The following ZNF462 variants were observed in gnomAD, a reference collection of about 807,000 sequenced individuals.
The protein encoded by ZNF462 is zinc finger protein 462, also known as zinc finger PBX1-interacting protein.
Under a neutral mutation model 201.9 loss-of-function variants are expected in ZNF462, and 10 were observed. The observed-to-expected ratio is 0.05, with a 90% CI of 0.03 to 0.08. The LOEUF is 0.08. Among genes scored for constraint, ZNF462 ranks in the 10% least tolerant of loss-of-function variants. The pLI, the probability that ZNF462 is intolerant of heterozygous loss-of-function variation, is 1.00. For synonymous variants in ZNF462, 1,227 were observed against 1,193.3 expected (o/e 1.03, Z -0.58); for missense variants, 2,523 against 3,168.3 (o/e 0.80, Z 4.89).
intron 1 of ZNF462, among the ~76,000 whole-genome samples, chr9:106,871,014 G>A (rs920407835): frequency 2.0e-5 from 3 of 152,162 alleles, no homozygotes; most frequent in African/African-American, 7.2e-5. Flanking sequence ...GCTGGGGGGT[G>A]GGAGCCGATG....
Position 107,010,801 on chromosome 9 carries a change from T to C in ZNF462, c.7314-22T>C. 6.2e-7 allele frequency: 1 copy of C among 1,600,684 alleles called. No individual in the cohort carries two copies. The highest frequency in any genetic ancestry group is 8.5e-7 in the Non-Finnish European group (1 of 1,172,742). On this transcript the variant is annotated intron_variant, in intron 12 of 12. Coordinates refer to ENST00000277225, the MANE Select transcript of ZNF462 (RefSeq NM_021224.6). The surrounding 1 kb of genome is among the most constrained non-coding windows in gnomAD (Gnocchi z 4.6). Reference sequence around the variant, plus strand: ...AATATATATACTATACTCATCTGTCTCTTCGATAAATGTTTTTCCAGGGCA... The same window carrying C: ...AATATATATACTATACTCATCTGTCCCTTCGATAAATGTTTTTCCAGGGCA...
At chr9:106,912,051 G>C (rs528246741) in intron 1 of ZNF462, among the ~76,000 whole-genome samples, 1 of 152,280 alleles carries the variant, frequency 6.6e-6, no homozygotes, top group Admixed American at 6.5e-5. Flanking sequence ...TTTTTTGACA[G>C]ACATTCGTAA....
At chr9:106,960,415 G>C (rs1430690306) in intron 7 of ZNF462, among the ~76,000 whole-genome samples, 1 of 152,184 alleles carries the variant, frequency 6.6e-6, no homozygotes, top group African/African-American at 2.4e-5. Flanking sequence ...AATACCATCT[G>C]AGGTTGCTCA....
chr9:106,959,199 T>A (rs1384508719), intron 7 of ZNF462, among the ~76,000 whole-genome samples: 2 of 152,014 alleles, frequency 1.3e-5, no homozygotes, highest in Non-Finnish European at 2.9e-5. Flanking sequence ...CCCTACAAAA[T>A]CACTGGACAA....
At position 107,009,323 on chromosome 9, in the gene ZNF462, C is replaced by T. The variant is rs1047960495; in HGVS notation, c.7190-222C>T. ...TGATAGAAGCATTGGGGAGGTGAGG[C>T]GAAATGAGGTCTTGGGGCCCAAGAA... On this transcript the variant is annotated intron_variant, in intron 11 of 12. Coordinates refer to ENST00000277225, the MANE Select transcript of ZNF462 (RefSeq NM_021224.6). This position sits in a 1 kb window ranked among gnomAD's most constrained non-coding sequence, Gnocchi z 6.1. 30 of 524,724 alleles carry T rather than the reference C, an allele frequency of 5.7e-5. No homozygotes were observed. Among genetic ancestry groups the T allele is most frequent in the Non-Finnish European group, 7.9e-5 (24 of 305,618 alleles). The allele number at this position is 524,724 out of a possible 1,614,324, so 32.5% of individuals were successfully genotyped here.
upstream of ZNF462, among the ~76,000 whole-genome samples, chr9:106,860,498 C>T (rs533619282): frequency 1.3e-5 from 2 of 152,192 alleles, no homozygotes; most frequent in East Asian, 3.9e-4. The surrounding 1 kb of genome is among the most constrained non-coding windows in gnomAD (Gnocchi z 7.1). Flanking sequence ...ACGTCCCTGC[C>T]CCCAGGGAAG....
intron 7 of ZNF462, among the ~76,000 whole-genome samples, chr9:106,943,336 A>T (rs1830968700): frequency 6.6e-6 from 1 of 152,132 alleles, no homozygotes; most frequent in African/African-American, 2.4e-5. Flanking sequence ...TATTTTTATC[A>T]AGACATTTCT....
intron 1 of ZNF462, among the ~76,000 whole-genome samples, chr9:106,874,350 T>G (rs1164568304): frequency 3.9e-5 from 6 of 152,206 alleles, no homozygotes; most frequent in Admixed American, 1.3e-4. Flanking sequence ...TCTTCAGTTT[T>G]CCTTTTAATT....
chr9:106,995,237 A>T lies in ZNF462; in HGVS notation c.7057-8057A>T, dbSNP rs1290438720. ...CTGGACTTTTGCTAAGTTAGGTATG[A>T]TGGAAATATGTTTTCTGATTGTGAC... On this transcript the variant is annotated intron_variant, in intron 10 of 12. Transcript: ENST00000277225. Among the ~76,000 whole-genome samples the T allele has an allele frequency of 4.5e-4, 69 of 152,146 alleles. 1 individual carries two copies. The highest frequency in any genetic ancestry group is 4.5e-3 in the Admixed American group (69 of 15,250).
rs1403872669 is a variant in ZNF462 at position 106,977,469 on chromosome 9, TAGAG to T, written c.6832+3202_6832+3205del. ...GTCTGTATAAATTGATATATTTAAG[TAGAG>T]AGAGAATCTACTTCGCTCATGGGAA... On this transcript the variant is annotated intron_variant, in intron 9 of 12. Transcript: ENST00000277225. This position sits in a 1 kb window ranked among gnomAD's most constrained non-coding sequence, Gnocchi z 4.6. Among the ~76,000 whole-genome samples, 1 of 151,660 alleles carries T rather than the reference TAGAG, an allele frequency of 6.6e-6. No individual in the cohort carries two copies. Among genetic ancestry groups the T allele is most frequent in the Non-Finnish European group, 1.5e-5 (1 of 68,040 alleles).
chr9:106,962,573 C>A lies in ZNF462; in HGVS notation c.6428-9432C>A, dbSNP rs117727432. Among the ~76,000 whole-genome samples, 3,644 of 152,024 alleles carry A rather than the reference C, an allele frequency of 0.024. 80 individuals are homozygous for A. The highest frequency in any genetic ancestry group is 0.039 in the Non-Finnish European group (2,683 of 67,936). ...ATGTAAGTATGATGGGAAACTAGAT[C>A]TCAAAAAAGAGAAAGCTTGCCCATT... On this transcript the variant is annotated intron_variant, in intron 7 of 12. Transcript: ENST00000277225. This position sits in a 1 kb window ranked among gnomAD's most constrained non-coding sequence, Gnocchi z 4.6.
chr9:106,903,282 C>A (rs1440176162), intron 1 of ZNF462, among the ~76,000 whole-genome samples: 1 of 152,026 alleles, frequency 6.6e-6, no homozygotes, highest in Non-Finnish European at 1.5e-5. Flanking sequence ...CCACTGTGGT[C>A]TGAGAGAGTG....
At chr9:106,914,762 G>A in intron 1 of ZNF462, among the ~76,000 whole-genome samples, 1 of 152,184 alleles carries the variant, frequency 6.6e-6, no homozygotes, top group Non-Finnish European at 1.5e-5. Context: ...AAATAAAGTA[G>A]TGGATTGTGG....
In ZNF462 at chr9:106,925,398, A is replaced by G. The variant is rs756323605; in HGVS notation, c.1486A>G (p.Thr496Ala). 9 of 1,614,118 alleles carry G rather than the reference A, an allele frequency of 5.6e-6. No homozygotes were observed. The highest frequency in any genetic ancestry group is 5.0e-5 in the Admixed American group (3 of 60,012). ...TCACAAACAGTGTCACACGGGTACA[A>G]CGTCAGATTGGGATGCTGTGAATTC... ...GAHKQCHTGT[T>A]SDWDAVNSQS... is the part of the protein sequence containing the mutation. The change falls in exon 3 of 13, where the codon ACG (threonine) becomes GCG (alanine). Residue 496 changes from threonine (T) to alanine (A), a missense_variant. Thr to Ala is a moderately conservative substitution (Grantham distance 58, BLOSUM62 0). Around this residue, in one of 15 missense-constraint regions of ZNF462, gnomAD observed 383 missense variants for 453.4 expected, o/e 0.84. Transcript: ENST00000277225. This position sits in a 1 kb window ranked among gnomAD's most constrained non-coding sequence, Gnocchi z 7.9.
At chr9:106,989,305 TC>T (rs1564155920) in intron 10 of ZNF462, among the ~76,000 whole-genome samples, 2 of 152,170 alleles carry the variant, frequency 1.3e-5, no homozygotes, top group Admixed American at 1.3e-4. Context: ...GCATGCGATT[TC>T]TGTTTCAAAT....
In ZNF462 at chr9:106,982,552, T is replaced by TA. The variant is rs1827521022; in HGVS notation, c.6833-1627dup. 3.3e-5 allele frequency among the ~76,000 whole-genome samples: 5 copies of TA among 152,278 alleles called. No homozygotes were observed. In the South Asian group the frequency reaches 1.0e-3, roughly 32 times the overall value. ...TAGAGGACTTAAACAGTTGCTATTCTAAAAAAATGTGTGGATTACATTATA... is the reference window on the plus strand; with the variant it reads ...TAGAGGACTTAAACAGTTGCTATTCTAAAAAAAATGTGTGGATTACATTATA... On this transcript the variant is annotated intron_variant, in intron 9 of 12. Coordinates refer to ENST00000277225, the MANE Select transcript of ZNF462 (RefSeq NM_021224.6).
At position 106,950,321 on chromosome 9, in the gene ZNF462, A is replaced by G. The variant is rs1352550545; in HGVS notation, c.6427+11214A>G. Among the ~76,000 whole-genome samples the G allele has an allele frequency of 1.3e-5, 2 of 152,198 alleles. No individual in the cohort carries two copies. Among genetic ancestry groups the G allele is most frequent in the African/African-American group, 2.4e-5 (1 of 41,446 alleles). ...TGAAAGAGACAGGAATAGAGCCACA[A>G]CCAATGTGCTAGAAGTTGCAAATAG... is the stretch of plus-strand genomic sequence containing the variant. On this transcript the variant is annotated intron_variant, in intron 7 of 12. Transcript: ENST00000277225. This position sits in a 1 kb window ranked among gnomAD's most constrained non-coding sequence, Gnocchi z 4.1.
Position 106,932,458 on chromosome 9 carries a change from C to T in ZNF462, c.6025C>T (p.His2009Tyr), listed in dbSNP as rs746087525. ...GATGTCCATGCAGGGGCTGCGTTCT[C>T]ATGAGAGGAGCCACCTGGCCCTGGC... ...VSAAVKGLRS[H>Y]ERSHLALAMF... The change falls in exon 5 of 13, where the codon CAT becomes TAT. Residue 2009 changes from histidine to tyrosine, a missense_variant. Transcript: ENST00000277225. This position sits in a 1 kb window ranked among gnomAD's most constrained non-coding sequence, Gnocchi z 6.8. 1 of 1,614,244 alleles carries T rather than the reference C, an allele frequency of 6.2e-7. No homozygotes were observed. The highest frequency in any genetic ancestry group is 1.7e-5 in the Admixed American group (1 of 60,036).
Position 106,932,631 on chromosome 9 carries a change from A to T in ZNF462, c.6116+82A>T. ...GCACTAAGCTAAAGCAGAAGCTTGG[A>T]TGAGTAAGAAGGCCCCACTCATGGT... is the stretch of plus-strand genomic sequence containing the variant. On this transcript the variant is annotated intron_variant, in intron 5 of 12. Transcript: ENST00000277225. The surrounding 1 kb of genome is among the most constrained non-coding windows in gnomAD (Gnocchi z 6.8). 1 of 1,573,892 alleles carries T rather than the reference A, an allele frequency of 6.4e-7. No homozygotes were observed. Among genetic ancestry groups the T allele is most frequent in the Non-Finnish European group, 8.7e-7 (1 of 1,152,272 alleles).
Sources: gnomAD v4.1 joint callset for allele counts (sites outside exome capture counted in the v4.1 genomes callset) on GRCh38, gnomAD v4.1.1 for gene constraint, gnomAD v4.1.1 regional missense constraint, Gnocchi (gnomAD v3.1) non-coding constraint, MANE v1.5 for transcripts, NCBI Gene and HGNC (gene_info 2026-07-23, HGNC 2026-07-21) for gene names.